Variants in LRRK1 observed in about 807,000 individuals in gnomAD.
LRRK1 encodes leucine rich repeat kinase 1.
In LRRK1, 113 loss-of-function variants were observed where a neutral mutation model predicts 209.1. The ratio of observed to expected loss-of-function variants is 0.54; its 90% confidence interval spans 0.46 to 0.63. The LOEUF is 0.63. LRRK1 is among the 30% of genes least tolerant of loss of function. The pLI is 0.00. For synonymous variants in LRRK1, 1,144 were observed against 1,099.7 expected (o/e 1.04, Z -0.80); for missense variants, 2,284 against 2,632.2 (o/e 0.87, Z 2.89).
chr15:101,022,364 C>T lies in LRRK1; in HGVS notation c.1853-19C>T, dbSNP rs2033835289. 6.2e-7 allele frequency: 1 copy of T among 1,612,040 alleles called. No individual in the cohort carries two copies. The highest frequency in any genetic ancestry group is 8.5e-7 in the Non-Finnish European group (1 of 1,178,256). ...CATGTGCCCACGCAGCTACCCTTCCCCTTAATGATTTTGCACAGGCCCCAA... is the reference window on the plus strand; with the variant it reads ...CATGTGCCCACGCAGCTACCCTTCCTCTTAATGATTTTGCACAGGCCCCAA... On this transcript the variant is annotated intron_variant, in intron 14 of 33. Transcript: ENST00000388948. The surrounding 1 kb of genome is among the most constrained non-coding windows in gnomAD (Gnocchi z 4.0).
chr15:100,924,579 G>T lies in LRRK1; in HGVS notation c.-54G>T. On this transcript the variant is annotated 5_prime_UTR_variant, in exon 2 of 34. Transcript: ENST00000388948. ...TTAATGCACCCCACAGCCAGCGGCA[G>T]TGGCAGTGACAACAGCGGGACCTGC... 1 of 1,512,434 alleles carries T rather than the reference G, an allele frequency of 6.6e-7. No homozygotes were observed. The highest frequency in any genetic ancestry group is 9.2e-7 in the Non-Finnish European group (1 of 1,088,436). The allele number at this position is 1,512,434 out of a possible 1,614,324, so 93.7% of individuals were successfully genotyped here. A position where few individuals can be genotyped will look rare whatever the true frequency, so the allele number is the denominator to read the frequency against.
At position 101,053,469 on chromosome 15, in the gene LRRK1, G is replaced by A. The variant is rs758009446; in HGVS notation, c.4054+49G>A. 4.3e-5 allele frequency: 64 copies of A among 1,488,962 alleles called. 1 individual carries two copies. The highest frequency in any genetic ancestry group is 2.0e-4 in the Admixed American group (10 of 50,298). The allele number at this position is 1,488,962 out of a possible 1,614,324, so 92.2% of individuals were successfully genotyped here. ...CGGCCCCGGAGACCGACAGAGCCCC[G>A]GGCGCCTCCTGCCTGGCACGGGGGG... On this transcript the variant is annotated intron_variant, in intron 26 of 33. Transcript: ENST00000388948.
Position 101,027,214 on chromosome 15 carries a change from C to A in LRRK1, c.2406-47C>A, listed in dbSNP as rs765391519. 1 of 1,605,810 alleles carries A rather than the reference C, an allele frequency of 6.2e-7. No homozygotes were observed. The highest frequency in any genetic ancestry group is 1.1e-5 in the South Asian group (1 of 90,332). ...GGGAAACAGAGAAGCAGCAGCGCTT[C>A]CTCGGAGTGGGGCATGATGAGTAAA... is the stretch of plus-strand genomic sequence containing the variant. On this transcript the variant is annotated intron_variant, in intron 17 of 33. Transcript: ENST00000388948. This position sits in a 1 kb window ranked among gnomAD's most constrained non-coding sequence, Gnocchi z 5.1.
intron 12 of LRRK1, among the ~76,000 whole-genome samples, chr15:101,016,958 A>T (rs958385029): frequency 6.6e-6 from 1 of 152,228 alleles, no homozygotes; most frequent in South Asian, 2.1e-4. Flanking sequence ...ACATCTAGGT[A>T]AACAAGCTCT....
Position 101,008,799 on chromosome 15 carries a change from A to C in LRRK1, c.763-38A>C, listed in dbSNP as rs575125651. 3 of 1,496,762 alleles carry C rather than the reference A, an allele frequency of 2.0e-6. No individual in the cohort carries two copies. The South Asian group carries it at 3.4e-5, about 17-fold the overall frequency. The allele number at this position is 1,496,762 out of a possible 1,614,324, so 92.7% of individuals were successfully genotyped here. A position where few individuals can be genotyped will look rare whatever the true frequency, so the allele number is the denominator to read the frequency against. ...CCAAGCCCATGTGGGCCCTGAACTC[A>C]CCCTCCACATGTGCTTTTCCTTTCT... On this transcript the variant is annotated intron_variant, in intron 6 of 33. Transcript: ENST00000388948.
At position 101,067,220 on chromosome 15, in the gene LRRK1, C is replaced by T. The variant is rs1249005587; in HGVS notation, c.5870+479C>T. On this transcript the variant is annotated intron_variant, in intron 33 of 33. Transcript: ENST00000388948. ...GGCTGAGACATAGCTCAGTACCTGT[C>T]TGTGGGTGGGGACCCCCAGGATTAT... 4 of 456,104 alleles carry T rather than the reference C, an allele frequency of 8.8e-6. No individual in the cohort carries two copies. In the Admixed American group the frequency reaches 9.4e-5, roughly 11 times the overall value. 28.3% of individuals were successfully genotyped at this position (456,104 alleles called of 1,614,324 possible).
chr15:101,023,924 A>G (rs747868982), intron 15 of LRRK1, among the ~76,000 whole-genome samples: 1 of 152,162 alleles, frequency 6.6e-6, no homozygotes, highest in Non-Finnish European at 1.5e-5. Flanking sequence ...AATCCTCTGC[A>G]TTCTCTCCAG....
At chr15:100,928,133 G>A (rs1467663833) in intron 2 of LRRK1, among the ~76,000 whole-genome samples, 2 of 152,158 alleles carry the variant, frequency 1.3e-5, no homozygotes, top group South Asian at 2.1e-4. Context: ...GCATCCAGAC[G>A]AATAATATTG....
chr15:101,024,725 T>G lies in LRRK1; in HGVS notation c.2068-78T>G. 1 of 1,476,842 alleles carries G rather than the reference T, an allele frequency of 6.8e-7. No homozygotes were observed. Among genetic ancestry groups the G allele is most frequent in the Middle Eastern group, 1.8e-4 (1 of 5,610 alleles). The allele number at this position is 1,476,842 out of a possible 1,614,324, so 91.5% of individuals were successfully genotyped here. On this transcript the variant is annotated intron_variant, in intron 15 of 33. Coordinates refer to ENST00000388948, the MANE Select transcript of LRRK1 (RefSeq NM_024652.6). This position sits in a 1 kb window ranked among gnomAD's most constrained non-coding sequence, Gnocchi z 4.6. The stretch of plus-strand genomic sequence containing the variant: ...GACCCCCGAGTCCAGCCTCCAGAGT[T>G]ATCCGTTGTCTCCGTTTGATTGACT...
At position 101,073,975 on chromosome 15, in the gene LRRK1, ATTT is replaced by A. The variant is rs2036891268; in HGVS notation, c.*5130_*5132del. 1 of 152,136 alleles carries A rather than the reference ATTT, an allele frequency of 6.6e-6. No individual in the cohort carries two copies. The highest frequency in any genetic ancestry group is 1.5e-5 in the Non-Finnish European group (1 of 68,032). 9.4% of individuals were successfully genotyped at this position (152,136 alleles called of 1,614,324 possible). A position where few individuals can be genotyped will look rare whatever the true frequency, so the allele number is the denominator to read the frequency against. ...AAATAGCCGGAAAACAGCACTTTCA[ATTT>A]TTCCATCCTGCAAGATCTAAATAAT... On this transcript the variant is annotated 3_prime_UTR_variant, in exon 34 of 34. Coordinates refer to ENST00000388948, the MANE Select transcript of LRRK1 (RefSeq NM_024652.6).
chr15:100,973,756 G>A, intron 2 of LRRK1, 48 bp from the exon 3 acceptor site: 1 of 1,256,800 alleles, frequency 8.0e-7, no homozygotes, highest in Non-Finnish European at 1.0e-6. Flanking sequence ...TCAAGAGCAC[G>A]CGGGCAGTGG....
In LRRK1 at chr15:101,055,164, G is replaced by C; in HGVS notation, c.4273G>C (p.Glu1425Gln). ...QSFHEGALGV[E>Q]GTPGYQAPEI... ...ATTCCATGAGGGCGCCCTAGGCGTGGAGGGCACTCCTGGCTACCAGGCCCC... is the reference window on the plus strand; with the variant it reads ...ATTCCATGAGGGCGCCCTAGGCGTGCAGGGCACTCCTGGCTACCAGGCCCC... The change falls in exon 27 of 34, where the codon GAG (glutamate) becomes CAG (glutamine). Residue 1425 changes from glutamate (E) to glutamine (Q), a missense_variant. Glu to Gln is a conservative substitution (Grantham distance 29). This residue lies in a region of LRRK1 where 59 missense variants were observed against 103.8 expected (regional missense o/e 0.57). Coordinates refer to ENST00000388948, the MANE Select transcript of LRRK1 (RefSeq NM_024652.6). The C allele has an allele frequency of 6.2e-7, 1 of 1,610,848 alleles. No individual in the cohort carries two copies. The highest frequency in any genetic ancestry group is 8.5e-7 in the Non-Finnish European group (1 of 1,178,062).
At chr15:101,012,551 C>T (rs950267664) in intron 10 of LRRK1, among the ~76,000 whole-genome samples, 2 of 152,202 alleles carry the variant, frequency 1.3e-5, no homozygotes, top group Non-Finnish European at 2.9e-5. Context: ...CCGTGGATCA[C>T]ACTCATTGCT....
intron 2 of LRRK1, among the ~76,000 whole-genome samples, chr15:100,947,270 T>C (rs761800118): frequency 6.6e-6 from 1 of 152,010 alleles, no homozygotes; most frequent in East Asian, 1.9e-4. Flanking sequence ...AGTTTTCAAA[T>C]CAAACAAAAC....
At chr15:100,967,413 T>C (rs958530165) in intron 2 of LRRK1, among the ~76,000 whole-genome samples, 1 of 152,244 alleles carries the variant, frequency 6.6e-6, no homozygotes, top group Non-Finnish European at 1.5e-5. Flanking sequence ...ACTTGGATTT[T>C]CAGGACGATT....
In LRRK1 at chr15:101,074,627, A is replaced by T. The variant is rs979161087; in HGVS notation, c.*5779A>T. On this transcript the variant is annotated 3_prime_UTR_variant, in exon 34 of 34. Coordinates refer to ENST00000388948, the MANE Select transcript of LRRK1 (RefSeq NM_024652.6). ...CTCCAAAAATTAAATTCCGGCCCTC[A>T]AACCCCACAACAGGATTTAATTAAC... 32 of 152,266 alleles carry T rather than the reference A, an allele frequency of 2.1e-4. No individual in the cohort carries two copies. Among genetic ancestry groups the T allele is most frequent in the African/African-American group, 6.3e-4 (26 of 41,520 alleles). The allele number at this position is 152,266 out of a possible 1,614,324, so 9.4% of individuals were successfully genotyped here.
Position 101,053,075 on chromosome 15 carries a change from T to G in LRRK1, c.3843T>G (p.Ala1281=). Residue 1281 remains alanine (A), a synonymous_variant, in exon 25 of 34, where the codon GCT becomes GCG. Coordinates refer to ENST00000388948, the MANE Select transcript of LRRK1 (RefSeq NM_024652.6). ...RFHIKKFKNF[A]NVPADTMLRH... is the part of the protein sequence containing the mutation. ...ACATCAAAAAATTCAAGAACTTTGC[T>G]AACGTACCGGCAGGTAAGCGGGTCC... 1 of 1,608,802 alleles carries G rather than the reference T, an allele frequency of 6.2e-7. No homozygotes were observed. Among genetic ancestry groups the G allele is most frequent in the Non-Finnish European group, 8.5e-7 (1 of 1,176,550 alleles).
At chr15:101,005,285 G>C (rs2032889046) in intron 6 of LRRK1, among the ~76,000 whole-genome samples, 1 of 152,118 alleles carries the variant, frequency 6.6e-6, no homozygotes, top group African/African-American at 2.4e-5. Flanking sequence ...CTTATCCAAA[G>C]ACTCCTACCC....
Position 101,024,282 on chromosome 15 carries a change from A to G in LRRK1, c.2068-521A>G, listed in dbSNP as rs1221714957. On this transcript the variant is annotated intron_variant, in intron 15 of 33. Coordinates refer to ENST00000388948, the MANE Select transcript of LRRK1 (RefSeq NM_024652.6). The surrounding 1 kb of genome is among the most constrained non-coding windows in gnomAD (Gnocchi z 4.6). ...CAGGGCCAGACTCTTACCTCATGCA[A>G]TGATAGAGAAACCACCGTTTACACA... is the stretch of plus-strand genomic sequence containing the variant. 6.6e-6 allele frequency among the ~76,000 whole-genome samples: 1 copy of G among 152,168 alleles called. No individual in the cohort carries two copies. The highest frequency in any genetic ancestry group is 6.5e-5 in the Admixed American group (1 of 15,280).
Sources: allele counts gnomAD v4.1 joint callset (sites outside exome capture counted in the v4.1 genomes callset), GRCh38; gene constraint gnomAD v4.1.1; regional missense constraint gnomAD v4.1.1; non-coding constraint Gnocchi (gnomAD v3.1); transcripts MANE v1.5; gene names NCBI Gene and HGNC (gene_info 2026-07-23, HGNC 2026-07-21).